Variants in ZZZ3 observed in about 807,000 individuals in gnomAD.
ZZZ3 encodes ZZ-type zinc finger-containing protein 3.
Under a neutral mutation model 95.2 loss-of-function variants are expected in ZZZ3, and 22 were observed. The ratio of observed to expected loss-of-function variants is 0.23; its 90% CI spans 0.17 to 0.33. The LOEUF is 0.33. Among genes scored for constraint, ZZZ3 ranks in the 10% least tolerant of loss-of-function variants. The pLI is 1.00. For missense variants in ZZZ3, 885 were observed against 1,066.5 expected (o/e 0.83, Z 2.37); for synonymous variants, 335 against 358.9 (o/e 0.93, Z 0.75).
chr1:77,660,727 G>C lies in ZZZ3; in HGVS notation c.-402-19072C>G, dbSNP rs114085013. Among the ~76,000 whole-genome samples the C allele has an allele frequency of 5.7e-3, 875 of 152,278 alleles. 13 individuals carry two copies. Among genetic ancestry groups the C allele is most frequent in the African/African-American group, 0.02 (827 of 41,546 alleles). ...CTTCAATCCTTTCAGGAATAACCCA[G>C]ATATGGAATTGCAGAAGGCCACATT... is the stretch of plus-strand genomic sequence containing the variant. On this transcript the variant is annotated intron_variant, in intron 1 of 14. Coordinates refer to ENST00000370801, the MANE Select transcript of ZZZ3 (RefSeq NM_015534.6).
At chr1:77,677,613 A>G (rs1430033239) in intron 1 of ZZZ3, among the ~76,000 whole-genome samples, 2 of 152,184 alleles carry the variant, frequency 1.3e-5, no homozygotes, top group African/African-American at 2.4e-5. Flanking sequence ...TAAAAAATCA[A>G]TTCTGGCAAT....
At chr1:77,682,123 A>C (rs1367941053) in intron 1 of ZZZ3, among the ~76,000 whole-genome samples, 1 of 152,140 alleles carries the variant, frequency 6.6e-6, no homozygotes, top group Non-Finnish European at 1.5e-5. Context: ...ATACTGCCAA[A>C]AGTTACTGAA....
intron 5 of ZZZ3, among the ~76,000 whole-genome samples, chr1:77,629,721 A>G (rs1174563566): frequency 6.6e-6 from 1 of 152,166 alleles, no homozygotes; most frequent in African/African-American, 2.4e-5. Flanking sequence ...CCCCAATGTC[A>G]CCCAATGAGG....
At chr1:77,642,746 T>C (rs867364869) in intron 1 of ZZZ3, among the ~76,000 whole-genome samples, 17 of 152,210 alleles carry the variant, frequency 1.1e-4, no homozygotes, top group Middle Eastern at 6.8e-3. Flanking sequence ...GAGTAAACCC[T>C]ATCTCAAAAA....
chr1:77,639,732 C>T (rs1224880413), intron 3 of ZZZ3, 130 bp from the exon 4 acceptor site: 2 of 305,586 alleles, frequency 6.5e-6, no homozygotes, highest in African/African-American at 2.1e-5. Context: ...TCATGCTTCT[C>T]GGTAACTCTG....
rs758642762 is a variant in ZZZ3, at chr1:77,632,672, C to T, written c.683G>A (p.Ser228Asn). ...CQPDGNTKQN[S>N]IGSYVLQEKS... is the part of the protein sequence containing the mutation. The stretch of plus-strand genomic sequence containing the variant: ...TTCCTGTAACACATAGGAACCAATG[C>T]TATTTTGTTTAGTGTTCCCATCAGG... The change falls in exon 5 of 15, where the codon AGC (serine) becomes AAC (asparagine). Residue 228 changes from serine to asparagine, a missense_variant. Physicochemically the swap from Ser to Asn is conservative, Grantham distance 46. Transcript: ENST00000370801. 3 of 1,614,138 alleles carry T rather than the reference C, an allele frequency of 1.9e-6. No individual in the cohort carries two copies. The highest frequency in any genetic ancestry group is 1.7e-5 in the Admixed American group (1 of 60,020).
chr1:77,668,068 A>G (rs1671409290), intron 1 of ZZZ3, among the ~76,000 whole-genome samples: 1 of 152,058 alleles, frequency 6.6e-6, no homozygotes, highest in Non-Finnish European at 1.5e-5. Flanking sequence ...CACCTGGCTA[A>G]TGGGTATCCT....
intron 5 of ZZZ3, among the ~76,000 whole-genome samples, chr1:77,615,144 T>C (rs947690285): frequency 6.6e-5 from 10 of 152,224 alleles, no homozygotes; most frequent in South Asian, 4.1e-4. Context: ...GAAGCTTTCT[T>C]CCTACCTAAC....
At chr1:77,612,961 G>A (rs4949818) in intron 5 of ZZZ3, among the ~76,000 whole-genome samples, 88,130 of 151,746 alleles carry the variant, frequency 0.58, 27,791 homozygotes, top group Non-Finnish European at 0.71. Flanking sequence ...CAAAAATGTA[G>A]CTATATGAGA....
At chr1:77,607,596 A>G (rs575176475) in intron 5 of ZZZ3, among the ~76,000 whole-genome samples, 2 of 152,330 alleles carry the variant, frequency 1.3e-5, no homozygotes, top group African/African-American at 4.8e-5. Context: ...CACACAGAAG[A>G]AAGAATTAGT....
At chr1:77,631,000 T>C (rs182823821) in intron 5 of ZZZ3, among the ~76,000 whole-genome samples, 44 of 152,338 alleles carry the variant, frequency 2.9e-4, no homozygotes, top group Admixed American at 9.1e-4. Flanking sequence ...AGTCTGTCTT[T>C]TATTGTTGCT....
chr1:77,637,199 C>T (rs1189547422), intron 4 of ZZZ3, among the ~76,000 whole-genome samples: 3 of 152,054 alleles, frequency 2.0e-5, no homozygotes, highest in African/African-American at 7.2e-5. Context: ...TAAATTAGAA[C>T]TATTTATAAA....
At chr1:77,652,017 C>CA (rs772354211) in intron 1 of ZZZ3, among the ~76,000 whole-genome samples, 892 of 74,098 alleles carry the variant, frequency 0.012, 13 homozygotes, top group South Asian at 0.066. Context: ...ACTCCATCTC[C>CA]AAAAAAAAAA....
chr1:77,577,537 G>A (rs947782260), intron 11 of ZZZ3, among the ~76,000 whole-genome samples: 7 of 152,026 alleles, frequency 4.6e-5, no homozygotes, highest in Non-Finnish European at 8.8e-5. Context: ...TTTTTTTAAT[G>A]TGTAAAACAT....
chr1:77,603,620 C>T (rs573327968), intron 5 of ZZZ3, among the ~76,000 whole-genome samples: 9 of 152,234 alleles, frequency 5.9e-5, no homozygotes, highest in Non-Finnish European at 1.2e-4. Context: ...TCCGGGTGCC[C>T]ATTTCCTGTC....
intron 5 of ZZZ3, among the ~76,000 whole-genome samples, chr1:77,615,801 AT>A (rs1666251175): frequency 6.6e-6 from 1 of 152,240 alleles, no homozygotes; most frequent in Non-Finnish European, 1.5e-5. Context: ...ACTGATTCTT[AT>A]AAAGAGGAAA....
intron 5 of ZZZ3, among the ~76,000 whole-genome samples, chr1:77,595,712 A>G (rs982792101): frequency 6.6e-6 from 1 of 152,066 alleles, no homozygotes; most frequent in African/African-American, 2.4e-5. Context: ...TGCATTTGGA[A>G]GGCTAATATG....
intron 4 of ZZZ3, among the ~76,000 whole-genome samples, chr1:77,633,723 G>A (rs569327820): frequency 1.3e-5 from 2 of 152,242 alleles, no homozygotes; most frequent in South Asian, 2.1e-4. Flanking sequence ...TGAGATTAAA[G>A]CACACTCTGA....
chr1:77,582,240 T>G, intron 6 of ZZZ3, 114 bp from the exon 7 acceptor site: 1 of 826,710 alleles, frequency 1.2e-6, no homozygotes, highest in South Asian at 2.3e-5. Flanking sequence ...CAATGGGGCA[T>G]TTCTATTCAT....
Sources: allele counts gnomAD v4.1 joint callset (sites outside exome capture counted in the v4.1 genomes callset), GRCh38; gene constraint gnomAD v4.1.1; transcripts MANE v1.5; gene names NCBI Gene and HGNC (gene_info 2026-07-23, HGNC 2026-07-21).